Variants in CD164 observed in about 807,000 individuals in gnomAD.
CD164 encodes CD164 molecule.
A neutral mutation model predicts 24.6 loss-of-function variants in CD164; 11 were observed. The ratio of observed to expected loss-of-function variants is 0.45; its 90% confidence interval spans 0.28 to 0.74. The LOEUF is 0.74. Ranked by LOEUF, CD164 falls within the 30% of genes least tolerant of loss-of-function variation. The pLI, the probability that CD164 is intolerant of heterozygous loss-of-function variation, is 0.13. For missense variants in CD164, 295 were observed against 243.7 expected (o/e 1.21, Z -1.40); for synonymous variants, 126 against 100.3 (o/e 1.26, Z -1.53).
At chr6:109,381,133 T>C (rs960380671) in intron 1 of CD164, among the ~76,000 whole-genome samples, 3 of 152,250 alleles carry the variant, frequency 2.0e-5, no homozygotes, top group Non-Finnish European at 4.4e-5. Flanking sequence ...TAATGTTAAC[T>C]AGAATAACCA....
intron 4 of CD164, 126 bp downstream of exon 4, chr6:109,375,948 G>T: frequency 1.4e-6 from 1 of 709,684 alleles, no homozygotes; most frequent in Non-Finnish European, 2.3e-6. Context: ...TGTGGTCCAA[G>T]ACTTTTAAGT....
At chr6:109,379,722 T>G (rs949637491) in intron 1 of CD164, 60 bp from the exon 2 acceptor site, 26 of 1,242,366 alleles carry the variant, frequency 2.1e-5, no homozygotes, top group Non-Finnish European at 2.8e-5. Flanking sequence ...CTTATTTGAA[T>G]CTGTATTACT....
At chr6:109,377,143 T>C (rs1771454257) in intron 3 of CD164, among the ~76,000 whole-genome samples, 1 of 152,188 alleles carries the variant, frequency 6.6e-6, no homozygotes, top group Admixed American at 6.5e-5. Flanking sequence ...AAAAAAAGTT[T>C]GTTCGTGTAC....
intron 2 of CD164, 131 bp from the exon 3 acceptor site, chr6:109,378,102 G>A (rs369971930): frequency 1.5e-6 from 1 of 659,080 alleles, no homozygotes; most frequent in African/African-American, 1.8e-5. Flanking sequence ...CACTTTAGGT[G>A]TTTTGACCTA....
rs764114713 is a variant in CD164 at position 109,368,951 on chromosome 6, C to T, written c.494G>A (p.Ser165Asn). Residue 165 changes from serine to asparagine, a missense_variant, in exon 6 of 6, where the codon AGT becomes AAT. Transcript: ENST00000310786. Reference protein sequence around the residue: ...PVRKSTFDAASFIGGIVLVLG... With the variant: ...PVRKSTFDAANFIGGIVLVLG... ...GACCAGGACAATTCCTCCAATGAAA[C>T]TGGCTGCATCAAAGGTAGACTTTCG... 1 of 1,613,924 alleles carries T rather than the reference C, an allele frequency of 6.2e-7. No homozygotes were observed.
chr6:109,379,680 G>C lies in CD164; in HGVS notation c.176-18C>G, dbSNP rs760554323. 6 of 1,578,332 alleles carry C rather than the reference G, an allele frequency of 3.8e-6. No individual in the cohort carries two copies. Among genetic ancestry groups the C allele is most frequent in the South Asian group, 1.1e-5 (1 of 88,284 alleles). ...ACAGGTTTCTGGGGAGTTGGGGGGA[G>C]AGATGCATGAAATCAATGATTTTAT... On this transcript the variant is annotated intron_variant, in intron 1 of 5. Transcript: ENST00000310786.
Position 109,378,090 on chromosome 6 carries a change from A to T in CD164, c.260-119T>A, listed in dbSNP as rs1200312449. 3 of 759,208 alleles carry T rather than the reference A, an allele frequency of 4.0e-6. No homozygotes were observed. In the African/African-American group the frequency reaches 5.1e-5, roughly 13 times the overall value. The allele number at this position is 759,208 out of a possible 1,614,324, so 47.0% of individuals were successfully genotyped here. ...AACACTTTAGAAGTGGGCAGGGGGA[A>T]CCACTTTAGGTGTTTTGACCTAAAG... On this transcript the variant is annotated intron_variant, in intron 2 of 5. Transcript: ENST00000310786.
rs376252391 is a variant in CD164 at position 109,382,220 on chromosome 6, G to T, written c.159C>A (p.Val53=). 8.3e-6 allele frequency: 13 copies of T among 1,573,532 alleles called. No homozygotes were observed. The highest frequency in any genetic ancestry group is 1.1e-5 in the Non-Finnish European group (13 of 1,164,838). ...CGCGCCCACCTGGTGCCGGAGTGGT[G>T]ACCAGCGGGAGGGACGTCACCGGCG... ...TSAPVTSLPL[V]TTPAPETCEG... is the part of the protein sequence containing the mutation. Residue 53 remains valine, a synonymous_variant, in exon 1 of 6, where the codon GTC becomes GTA. Transcript: ENST00000310786.
intron 1 of CD164, chr6:109,380,253 C>G (rs574526749): frequency 6.6e-6 from 1 of 152,376 alleles, no homozygotes; most frequent in South Asian, 2.1e-4. Flanking sequence ...GCATACAATT[C>G]AGGTTAACAA....
chr6:109,375,627 A>AAAAG lies in CD164; in HGVS notation c.370+443_370+446dup, dbSNP rs3837037. On this transcript the variant is annotated intron_variant, in intron 4 of 5. Coordinates refer to ENST00000310786, the MANE Select transcript of CD164 (RefSeq NM_006016.6). ...GCAAGACTTCGCTTCCAAAAAAAAA[A>AAAAG]AAAGAAAAGAAAAAAAGAAATACAA... Among the ~76,000 whole-genome samples the AAAAG allele has an allele frequency of 1.1e-4, 16 of 144,732 alleles. 2 individuals are homozygous for AAAAG. The highest frequency in any genetic ancestry group is 2.0e-4 in the East Asian group (1 of 4,916). The allele number at this position is 144,732 out of a possible 152,430, so 94.9% of individuals were successfully genotyped here. A position where few individuals can be genotyped will look rare whatever the true frequency, so the allele number is the denominator to read the frequency against.
intron 4 of CD164, chr6:109,372,840 A>C (rs1385117274): frequency 1.3e-5 from 2 of 152,260 alleles, no homozygotes; most frequent in Non-Finnish European, 2.9e-5. Flanking sequence ...AAAATTCTGC[A>C]AATTTGCAAT....
At chr6:109,376,295 G>GA (rs1002503091) in intron 3 of CD164, among the ~76,000 whole-genome samples, 183 bp from the exon 4 acceptor site, 1 of 152,106 alleles carries the variant, frequency 6.6e-6, no homozygotes, top group African/African-American at 2.4e-5. Flanking sequence ...TTTAGAAATA[G>GA]AATCACCAAT....
At chr6:109,370,566 T>C in intron 4 of CD164, 99 bp from the exon 5 acceptor site, 2 of 1,098,476 alleles carry the variant, frequency 1.8e-6, no homozygotes, top group Non-Finnish European at 2.6e-6. Context: ...TTCAACATGC[T>C]TTCAATTTTT....
chr6:109,370,356 G>C, intron 5 of CD164, 55 bp downstream of exon 5: 1 of 1,368,946 alleles, frequency 7.3e-7, no homozygotes, highest in Non-Finnish European at 1.0e-6. Flanking sequence ...AAATTGTAAA[G>C]GGCAACATCG....
rs1770870767 is a variant in CD164 at position 109,368,150 on chromosome 6, C to T, written c.*701G>A. On this transcript the variant is annotated 3_prime_UTR_variant, in exon 6 of 6. Coordinates refer to ENST00000310786, the MANE Select transcript of CD164 (RefSeq NM_006016.6). ...CCTTACCTTCCTTAATGTCAAAGAA[C>T]AAATCATAGACATTAAGCTAGAGCT... The T allele has an allele frequency of 1.2e-6, 1 of 855,632 alleles. No individual in the cohort carries two copies. The highest frequency in any genetic ancestry group is 1.8e-5 in the African/African-American group (1 of 55,072). The allele number at this position is 855,632 out of a possible 1,614,324, so 53.0% of individuals were successfully genotyped here.
At position 109,368,396 on chromosome 6, in the gene CD164, TTAA is replaced by T; in HGVS notation, c.*452_*454del. The T allele has an allele frequency of 1.4e-6, 2 of 1,459,062 alleles. No homozygotes were observed. 90.4% of individuals were successfully genotyped at this position (1,459,062 alleles called of 1,614,324 possible). A position where few individuals can be genotyped will look rare whatever the true frequency, so the allele number is the denominator to read the frequency against. On this transcript the variant is annotated 3_prime_UTR_variant, in exon 6 of 6. Transcript: ENST00000310786. Reference sequence around the variant, plus strand: ...AAGGATACCATTTAGTACTACTAAATTAATAAATTTATTCCACTTTTGAAATGA... The same window carrying T: ...AAGGATACCATTTAGTACTACTAAATTAAATTTATTCCACTTTTGAAATGA...
intron 4 of CD164, among the ~76,000 whole-genome samples, chr6:109,373,437 GTTC>G (rs985420474): frequency 6.6e-6 from 1 of 152,174 alleles, no homozygotes; most frequent in Non-Finnish European, 1.5e-5. Context: ...CTAAAGGTTT[GTTC>G]TTCAACTAGT....
intron 3 of CD164, among the ~76,000 whole-genome samples, chr6:109,376,628 T>C (rs1182223998): frequency 1.3e-5 from 2 of 152,198 alleles, no homozygotes; most frequent in African/African-American, 2.4e-5. Context: ...GCTTAAGCCA[T>C]TGTAATTTGG....
At chr6:109,378,466 G>GT (rs1005835110) in intron 2 of CD164, among the ~76,000 whole-genome samples, 1 of 151,228 alleles carries the variant, frequency 6.6e-6, no homozygotes, top group Admixed American at 6.6e-5. Flanking sequence ...GGCGGAGACA[G>GT]TAAGTTGAAG....
Sources: allele counts gnomAD v4.1 joint callset (sites outside exome capture counted in the v4.1 genomes callset), GRCh38; gene constraint gnomAD v4.1.1; transcripts MANE v1.5; gene names NCBI Gene and HGNC (gene_info 2026-07-23, HGNC 2026-07-21).